The following IL17REL variants were observed in gnomAD, a reference collection of about 807,000 sequenced individuals.
IL17REL encodes interleukin-17 receptor E-like protein.
IL17REL carries 36 observed loss-of-function variants against 49.0 expected under a neutral mutation model. The ratio of observed to expected loss-of-function variants is 0.73; its 90% CI spans 0.56 to 0.97. The LOEUF (loss-of-function observed/expected upper bound fraction) is 0.97. Among genes scored for constraint, IL17REL ranks in the 50% least tolerant of loss-of-function variants. The pLI, the probability that IL17REL is intolerant of heterozygous loss-of-function variation, is 0.00. For missense variants in IL17REL, 470 were observed against 453.9 expected (o/e 1.04, Z -0.32); for synonymous variants, 206 against 192.4 (o/e 1.07, Z -0.58).
At chr22:50,003,247 G>T (rs1318931996) in intron 1 of IL17REL, among the ~76,000 whole-genome samples, 1 of 152,092 alleles carries the variant, frequency 6.6e-6, no homozygotes, top group African/African-American at 2.4e-5. Context: ...GGAGTGGGCC[G>T]GGCGGGGCTC....
At position 50,001,928 on chromosome 22, in the gene IL17REL, A is replaced by G. The variant is rs571258780; in HGVS notation, c.-41-697T>C. 7.2e-5 allele frequency among the ~76,000 whole-genome samples: 11 copies of G among 152,348 alleles called. No individual in the cohort carries two copies. The East Asian group carries it at 1.3e-3, about 19-fold the overall frequency. ...GCATGGCCACCGAGGCGTGGGACCC[A>G]CATGCTGTTGGTGAGACAGTGCGGC... On this transcript the variant is annotated intron_variant, in intron 1 of 12. Coordinates refer to ENST00000341280, the Ensembl canonical transcript of IL17REL.
At chr22:50,010,532 C>T (rs550820200), upstream of IL17REL, among the ~76,000 whole-genome samples, 1 of 152,364 alleles carries the variant, frequency 6.6e-6, no homozygotes, top group South Asian at 2.1e-4. Context: ...CCCCTCTGGG[C>T]GCCCACTGTG....
chr22:50,000,980 C>T (rs1046238084), intron 2 of IL17REL, 102 bp downstream of exon 3: 1 of 1,251,432 alleles, frequency 8.0e-7, no homozygotes, highest in Admixed American at 2.3e-5. Flanking sequence ...TAGCAGCCCC[C>T]CTCCCTCACC....
chr22:50,010,767 GCAC>G (rs1174132356), upstream of IL17REL, among the ~76,000 whole-genome samples: 44 of 137,756 alleles, frequency 3.2e-4, no homozygotes, highest in African/African-American at 1.3e-3. Context: ...CTGCCCCACG[GCAC>G]GGGGAGCGGG....
chr22:50,002,367 C>T (rs541037916), intron 1 of IL17REL, among the ~76,000 whole-genome samples: 50 of 152,240 alleles, frequency 3.3e-4, no homozygotes, highest in African/African-American at 1.1e-3. Context: ...GTGTTTTGTT[C>T]AACACAGCAA....
chr22:49,994,285 T>C (rs1569206687), downstream of IL17REL, among the ~76,000 whole-genome samples: 1 of 142,392 alleles, frequency 7.0e-6, no homozygotes, highest in African/African-American at 2.7e-5. Context: ...TGGGGACACT[T>C]GGATGGGGAT....
downstream of IL17REL, among the ~76,000 whole-genome samples, chr22:49,994,357 G>A (rs945882034): frequency 6.6e-6 from 1 of 151,952 alleles, no homozygotes; most frequent in Non-Finnish European, 1.5e-5. Context: ...CACCTCCCCT[G>A]AGTCCCAAGG....
chr22:50,000,858 G>A (rs1307957901), exon 3 of IL17REL: 1 of 1,559,402 alleles, frequency 6.4e-7, no homozygotes, highest in South Asian at 1.2e-5. Context: ...AGGCCCCGCA[G>A]GCGCTCTGGG....
At chr22:49,999,586 G>C in intron 5 of IL17REL, 84 bp from the exon 8 acceptor site, 2 of 1,157,514 alleles carry the variant, frequency 1.7e-6, no homozygotes, top group Non-Finnish European at 2.5e-6. Flanking sequence ...CGAACGGGGC[G>C]GGAGCGGGGA....
intron 7 of IL17REL, 117 bp downstream of exon 9, chr22:49,999,174 A>C (rs1283729813): frequency 8.0e-7 from 1 of 1,253,182 alleles, no homozygotes; most frequent in East Asian, 2.3e-5. Flanking sequence ...GAGCAGGCTC[A>C]GGGATTTAGG....
chr22:49,999,736 C>G (rs1266066033), intron 5 of IL17REL, 92 bp downstream of exon 7: 2 of 527,452 alleles, frequency 3.8e-6, no homozygotes, highest in Non-Finnish European at 4.5e-6. Context: ...GGGCGGGGCG[C>G]GGGGTGGGCG....
At position 49,997,317 on chromosome 22, in the gene IL17REL, C is replaced by T. The variant is rs754877880; in HGVS notation, c.974+3G>A. On this transcript the variant is annotated splice_donor_region_variant and intron_variant, in intron 11 of 12. Coordinates refer to ENST00000341280, the Ensembl canonical transcript of IL17REL. ...AGGATGGAGCCCCACTCTCTCGGCTCACTGAGGCTGAAGGGAGCGGGCTGG... is the reference window on the plus strand; with the variant it reads ...AGGATGGAGCCCCACTCTCTCGGCTTACTGAGGCTGAAGGGAGCGGGCTGG... 3.1e-6 allele frequency: 5 copies of T among 1,612,890 alleles called. No individual in the cohort carries two copies. Among genetic ancestry groups the T allele is most frequent in the South Asian group, 2.2e-5 (2 of 90,994 alleles).
chr22:50,000,107 T>A (rs1030171493), intron 4 of IL17REL, 89 bp downstream of exon 6: 14 of 1,002,408 alleles, frequency 1.4e-5, no homozygotes, highest in African/African-American at 1.7e-5. Flanking sequence ...CCCCTCAGGA[T>A]TTCCCAAATG....
chr22:50,001,022 C>A, intron 2 of IL17REL, 60 bp downstream of exon 3: 3 of 1,367,950 alleles, frequency 2.2e-6, no homozygotes, highest in South Asian at 1.3e-5. Flanking sequence ...GAATAAAAGG[C>A]ACCTGGGCCC....
intron 1 of IL17REL, among the ~76,000 whole-genome samples, chr22:50,006,467 A>G (rs555065637): frequency 6.6e-6 from 1 of 152,240 alleles, no homozygotes; most frequent in Non-Finnish European, 1.5e-5. Context: ...CAGAGAGCCC[A>G]GAGTGACGCT....
rs2061072213 is a variant in IL17REL, at chr22:50,000,597, G to A, written c.220-5C>T. ...GCAGCCAAAGTGCACTTGGAGCTGA[G>A]CAGGTGCAGGTGTGAGCTGCGTGGA... On this transcript the variant is annotated splice_polypyrimidine_tract_variant and splice_region_variant and intron_variant, in intron 3 of 12. Coordinates refer to ENST00000341280, the Ensembl canonical transcript of IL17REL. 2 of 1,609,964 alleles carry A rather than the reference G, an allele frequency of 1.2e-6. No individual in the cohort carries two copies. The highest frequency in any genetic ancestry group is 1.3e-5 in the African/African-American group (1 of 74,900).
intron 1 of IL17REL, among the ~76,000 whole-genome samples, chr22:50,003,486 A>C (rs1238366959): frequency 1.5e-5 from 2 of 132,372 alleles, no homozygotes; most frequent in African/African-American, 5.9e-5. Context: ...GTGCCACTGC[A>C]CTCCAGCCTG....
At chr22:50,010,158 C>T (rs1439473933), upstream of IL17REL, among the ~76,000 whole-genome samples, 2 of 152,256 alleles carry the variant, frequency 1.3e-5, no homozygotes, top group Non-Finnish European at 2.9e-5. Context: ...CCCTCCTCCG[C>T]CTGCCATGGC....
chr22:50,009,015 G>A (rs1449941304), upstream of IL17REL: 1 of 152,212 alleles, frequency 6.6e-6, no homozygotes. Flanking sequence ...AGAAGGGGGA[G>A]ACAGAACGAT....
Sources: allele counts gnomAD v4.1 joint callset (sites outside exome capture counted in the v4.1 genomes callset), GRCh38; gene constraint gnomAD v4.1.1; transcripts MANE v1.5; gene names NCBI Gene and HGNC (gene_info 2026-07-23, HGNC 2026-07-21).